The following AMIGO1 variants were observed in gnomAD, a reference collection of about 807,000 sequenced individuals.
AMIGO1 encodes the protein amphoterin-induced protein 1.
For missense variants in AMIGO1, 361 were observed against 612.3 expected, an observed-to-expected ratio of 0.59 and a Z score of 4.33; for synonymous variants, 249 against 266.3, an observed-to-expected ratio of 0.93 and a Z score of 0.63.
At position 109,507,896 on chromosome 1, in the gene AMIGO1, A is replaced by G. The variant is rs1168291659; in HGVS notation, c.1017T>C (p.Tyr339=). The change falls in exon 2 of 2, where the codon TAT becomes TAC. Residue 339 remains tyrosine, a synonymous_variant. Transcript: ENST00000369864. The surrounding 1 kb of genome is among the most constrained non-coding windows in gnomAD (Gnocchi z 4.7). ...AAGTCTCTCCCATGGCATAGCAGGT[A>G]TACACACCACCGTCCTCGACCTGCA... ...QQVQVEDGGV[Y]TCYAMGETFN... is the part of the protein sequence containing the mutation. 18 of 1,614,016 alleles carry G rather than the reference A, an allele frequency of 1.1e-5. No individual in the cohort carries two copies. In the Admixed American group the frequency reaches 3.0e-4, roughly 27 times the overall value.
chr1:109,506,687 A>T lies in AMIGO1; in HGVS notation c.*744T>A, dbSNP rs1392848307. Reference sequence around the variant, plus strand: ...TTCGTGCTGGCACCTATGCTGTGACATGGACCCTTCAGTTCATGCTATAAC... The same window carrying T: ...TTCGTGCTGGCACCTATGCTGTGACTTGGACCCTTCAGTTCATGCTATAAC... On this transcript the variant is annotated 3_prime_UTR_variant, in exon 2 of 2. Coordinates refer to ENST00000369864, the MANE Select transcript of AMIGO1 (RefSeq NM_020703.4). 6.6e-6 allele frequency: 1 copy of T among 152,256 alleles called. No individual in the cohort carries two copies. The highest frequency in any genetic ancestry group is 1.5e-5 in the Non-Finnish European group (1 of 68,068). 9.4% of individuals were successfully genotyped at this position (152,256 alleles called of 1,614,324 possible).
rs1369762081 is a variant in AMIGO1, at chr1:109,509,540, G to C, written c.-208C>G. The C allele has an allele frequency of 1.3e-5, 2 of 152,010 alleles. No individual in the cohort carries two copies. Among genetic ancestry groups the C allele is most frequent in the African/African-American group, 4.8e-5 (2 of 41,422 alleles). 9.4% of individuals were successfully genotyped at this position (152,010 alleles called of 1,614,324 possible). A position where few individuals can be genotyped will look rare whatever the true frequency, so the allele number is the denominator to read the frequency against. On this transcript the variant is annotated 5_prime_UTR_variant, in exon 1 of 2. Coordinates refer to ENST00000369864, the MANE Select transcript of AMIGO1 (RefSeq NM_020703.4). ...CCACCTTACGCAGGGGCCCGCGCCC[G>C]GCACCGTCGCCTCCCGGGGACTTGC...
At position 109,508,461 on chromosome 1, in the gene AMIGO1, C is replaced by A. The variant is rs774455626; in HGVS notation, c.452G>T (p.Arg151Leu). 2 of 1,614,076 alleles carry A rather than the reference C, an allele frequency of 1.2e-6. No homozygotes were observed. The highest frequency in any genetic ancestry group is 2.2e-5 in the East Asian group (1 of 44,882). ...CTGGGCCATGTCATCGAAGGCGCACCGGTCCACCGCCATGATGTGGTTATT... is the reference window on the plus strand; with the variant it reads ...CTGGGCCATGTCATCGAAGGCGCACAGGTCCACCGCCATGATGTGGTTATT... ...LYNNHIMAVD[R>L]CAFDDMAQLQ... The change falls in exon 2 of 2, where the codon CGG becomes CTG. Residue 151 changes from arginine (R) to leucine (L), a missense_variant. Coordinates refer to ENST00000369864, the MANE Select transcript of AMIGO1 (RefSeq NM_020703.4). The surrounding 1 kb of genome is among the most constrained non-coding windows in gnomAD (Gnocchi z 7.8).
In AMIGO1 at chr1:109,508,923, G is replaced by A; in HGVS notation, c.-11C>T. The A allele has an allele frequency of 6.5e-7, 1 of 1,527,578 alleles. No homozygotes were observed. The allele number at this position is 1,527,578 out of a possible 1,614,324, so 94.6% of individuals were successfully genotyped here. ...ACGGTGGGGGTGCATAGTGTCACTGGAGTGGGCGAGGAAGGCCACAAGGAA... is the reference window on the plus strand; with the variant it reads ...ACGGTGGGGGTGCATAGTGTCACTGAAGTGGGCGAGGAAGGCCACAAGGAA... On this transcript the variant is annotated 5_prime_UTR_variant, in exon 2 of 2. Coordinates refer to ENST00000369864, the MANE Select transcript of AMIGO1 (RefSeq NM_020703.4). This position sits in a 1 kb window ranked among gnomAD's most constrained non-coding sequence, Gnocchi z 7.8.
chr1:109,508,929 G>A lies in AMIGO1; in HGVS notation c.-17C>T. 1 of 1,514,424 alleles carries A rather than the reference G, an allele frequency of 6.6e-7. No individual in the cohort carries two copies. The highest frequency in any genetic ancestry group is 8.8e-7 in the Non-Finnish European group (1 of 1,130,526). The allele number at this position is 1,514,424 out of a possible 1,614,324, so 93.8% of individuals were successfully genotyped here. A position where few individuals can be genotyped will look rare whatever the true frequency, so the allele number is the denominator to read the frequency against. On this transcript the variant is annotated 5_prime_UTR_variant, in exon 2 of 2. Transcript: ENST00000369864. The surrounding 1 kb of genome is among the most constrained non-coding windows in gnomAD (Gnocchi z 7.8). ...GGGGTGCATAGTGTCACTGGAGTGG[G>A]CGAGGAAGGCCACAAGGAAGATCTG...
Position 109,508,661 on chromosome 1 carries a change from G to A in AMIGO1, c.252C>T (p.Arg84=). Residue 84 remains arginine, a synonymous_variant, in exon 2 of 2, where the codon CGC becomes CGT. Coordinates refer to ENST00000369864, the MANE Select transcript of AMIGO1 (RefSeq NM_020703.4). The surrounding 1 kb of genome is among the most constrained non-coding windows in gnomAD (Gnocchi z 7.8). ...SRLRAEWTPT[R]LTQLHSLLLS... Reference sequence around the variant, plus strand: ...GCAGCAGGGAGTGCAGTTGGGTCAGGCGCGTGGGGGTCCACTCGGCCCGCA... The same window carrying A: ...GCAGCAGGGAGTGCAGTTGGGTCAGACGCGTGGGGGTCCACTCGGCCCGCA... The A allele has an allele frequency of 1.2e-6, 2 of 1,614,182 alleles. No homozygotes were observed. Among genetic ancestry groups the A allele is most frequent in the Non-Finnish European group, 1.7e-6 (2 of 1,180,036 alleles).
rs1439158018 is a variant in AMIGO1, at chr1:109,507,714, C to A, written c.1199G>T (p.Cys400Phe). Residue 400 changes from cysteine to phenylalanine, a missense_variant, in exon 2 of 2, where the codon TGC becomes TTC. Coordinates refer to ENST00000369864, the MANE Select transcript of AMIGO1 (RefSeq NM_020703.4). This position sits in a 1 kb window ranked among gnomAD's most constrained non-coding sequence, Gnocchi z 4.7. ...YLYLTPCRCW[C>F]RGVEKPSSHQ... ...GCTGGAAGGCTTCTCTACACCCCGG[C>A]ACCAGCAGCGGCAAGGGGTGAGGTA... 1 of 1,614,126 alleles carries A rather than the reference C, an allele frequency of 6.2e-7. No individual in the cohort carries two copies. Among genetic ancestry groups the A allele is most frequent in the Non-Finnish European group, 8.5e-7 (1 of 1,180,024 alleles).
Position 109,506,403 on chromosome 1 carries a change from A to C in AMIGO1, c.*1028T>G, listed in dbSNP as rs1658024242. On this transcript the variant is annotated 3_prime_UTR_variant, in exon 2 of 2. Transcript: ENST00000369864. ...TTCAGAATCCCACCTGAGCTTGATA[A>C]GGAGACTGGATGAAGAGATGGCATA... 6.6e-6 allele frequency: 1 copy of C among 152,258 alleles called. No homozygotes were observed. The highest frequency in any genetic ancestry group is 1.5e-5 in the Non-Finnish European group (1 of 68,060). 9.4% of individuals were successfully genotyped at this position (152,258 alleles called of 1,614,324 possible).
rs577307964 is a variant in AMIGO1 at position 109,507,293 on chromosome 1, G to C, written c.*138C>G. ...CGCCCTGTTTGGGGTCTTGCTCTCT[G>C]TTGTACCTGGGACCAATTCCCTTGA... On this transcript the variant is annotated 3_prime_UTR_variant, in exon 2 of 2. Transcript: ENST00000369864. This position sits in a 1 kb window ranked among gnomAD's most constrained non-coding sequence, Gnocchi z 4.7. 1.6e-6 allele frequency: 2 copies of C among 1,259,896 alleles called. No homozygotes were observed. The highest frequency in any genetic ancestry group is 1.1e-6 in the Non-Finnish European group (1 of 915,232). 78.0% of individuals were successfully genotyped at this position (1,259,896 alleles called of 1,614,324 possible).
Position 109,507,427 on chromosome 1 carries a change from C to A in AMIGO1, c.*4G>T. On this transcript the variant is annotated 3_prime_UTR_variant, in exon 2 of 2. Coordinates refer to ENST00000369864, the MANE Select transcript of AMIGO1 (RefSeq NM_020703.4). This position sits in a 1 kb window ranked among gnomAD's most constrained non-coding sequence, Gnocchi z 4.7. ...GGCAGAATCTCCCCACCAACCCATC[C>A]TGCTCACACCACAATGGGCGTATCA... is the stretch of plus-strand genomic sequence containing the variant. 6.3e-7 allele frequency: 1 copy of A among 1,590,302 alleles called. No individual in the cohort carries two copies. The highest frequency in any genetic ancestry group is 8.6e-7 in the Non-Finnish European group (1 of 1,165,884).
chr1:109,508,277 G>A lies in AMIGO1; in HGVS notation c.636C>T (p.Ile212=). ...TGTTATGTAGGTACAGCCCATTCTTGATCCAGGCCGGCAGCTTCTGCAGGT... is the reference window on the plus strand; with the variant it reads ...TGTTATGTAGGTACAGCCCATTCTTAATCCAGGCCGGCAGCTTCTGCAGGT... The part of the protein sequence containing the change: ...LPDLQKLPAW[I]KNGLYLHNNP... The change falls in exon 2 of 2, where the codon ATC becomes ATT. Residue 212 remains isoleucine (I), a synonymous_variant. Transcript: ENST00000369864. This position sits in a 1 kb window ranked among gnomAD's most constrained non-coding sequence, Gnocchi z 7.8. The A allele has an allele frequency of 6.2e-7, 1 of 1,614,072 alleles. No individual in the cohort carries two copies. The highest frequency in any genetic ancestry group is 8.5e-7 in the Non-Finnish European group (1 of 1,180,020).
In AMIGO1 at chr1:109,508,982, T is replaced by A; in HGVS notation, c.-70A>T. 6.9e-7 allele frequency: 1 copy of A among 1,450,298 alleles called. No individual in the cohort carries two copies. The highest frequency in any genetic ancestry group is 1.4e-5 in the South Asian group (1 of 69,100). 89.8% of individuals were successfully genotyped at this position (1,450,298 alleles called of 1,614,324 possible). A position where few individuals can be genotyped will look rare whatever the true frequency, so the allele number is the denominator to read the frequency against. ...AGGAGGTCACCCGGGCATGTTCTGG[T>A]GGGGTACGGAAGGGTCACTTGAGAG... On this transcript the variant is annotated 5_prime_UTR_variant, in exon 2 of 2. Transcript: ENST00000369864. The surrounding 1 kb of genome is among the most constrained non-coding windows in gnomAD (Gnocchi z 7.8).
At position 109,508,184 on chromosome 1, in the gene AMIGO1, G is replaced by A. The variant is rs780076187; in HGVS notation, c.729C>T (p.Ser243=). 4.0e-5 allele frequency: 64 copies of A among 1,613,896 alleles called. No individual in the cohort carries two copies. Among genetic ancestry groups the A allele is most frequent in the Non-Finnish European group, 5.3e-5 (62 of 1,180,044 alleles). ...ACAGATCCTCTTGAAAGTCCATCAC[G>A]GAGCTCAGCTGCCGATACTGCCAGT... ...FSHWQYRQLS[S]VMDFQEDLYC... The change falls in exon 2 of 2, where the codon TCC becomes TCT. Residue 243 remains serine (S), a synonymous_variant. Transcript: ENST00000369864. The surrounding 1 kb of genome is among the most constrained non-coding windows in gnomAD (Gnocchi z 7.8).
chr1:109,507,758 G>A lies in AMIGO1; in HGVS notation c.1155C>T (p.Val385=). 1 of 1,614,068 alleles carries A rather than the reference G, an allele frequency of 6.2e-7. No homozygotes were observed. The highest frequency in any genetic ancestry group is 8.5e-7 in the Non-Finnish European group (1 of 1,180,016). ...TTLVGCILSV[V]LVLIYLYLTP... ...TGAGGTATAGGTATATGAGGACCAG[G>A]ACCACACTAAGGATACAGCCCACTA... The change falls in exon 2 of 2, where the codon GTC becomes GTT. Residue 385 remains valine, a synonymous_variant. Transcript: ENST00000369864. This position sits in a 1 kb window ranked among gnomAD's most constrained non-coding sequence, Gnocchi z 4.7.
rs777513107 is a variant in AMIGO1 at position 109,507,976 on chromosome 1, C to A, written c.937G>T (p.Val313Leu). The change falls in exon 2 of 2, where the codon GTG becomes TTG. Residue 313 changes from valine to leucine, a missense_variant. Physicochemically the swap from Val to Leu is conservative, Grantham distance 32 (BLOSUM62 1). Transcript: ENST00000369864. This position sits in a 1 kb window ranked among gnomAD's most constrained non-coding sequence, Gnocchi z 4.7. ...GACACACTCACTGTGCCATTGGTCA[C>A]CTCATCTAGCACCCGTTCATTACTT... The part of the protein sequence containing the change: ...TPSNERVLDE[V>L]TNGTVSVSKD... 11 of 1,614,182 alleles carry A rather than the reference C, an allele frequency of 6.8e-6. No homozygotes were observed. The highest frequency in any genetic ancestry group is 9.3e-6 in the Non-Finnish European group (11 of 1,180,036).
In AMIGO1 at chr1:109,508,158, T is replaced by C; in HGVS notation, c.755A>G (p.Tyr252Cys). ...GTGCAGCTTCTTGGAGTTCATGCAG[T>C]ACAGATCCTCTTGAAAGTCCATCAC... ...SSVMDFQEDL[Y>C]CMNSKKLHNV... The change falls in exon 2 of 2, where the codon TAC becomes TGC. Residue 252 changes from tyrosine to cysteine, a missense_variant. Physicochemically the swap from Tyr to Cys is radical, Grantham distance 194 (BLOSUM62 -2). Transcript: ENST00000369864. This position sits in a 1 kb window ranked among gnomAD's most constrained non-coding sequence, Gnocchi z 7.8. 1 of 1,614,112 alleles carries C rather than the reference T, an allele frequency of 6.2e-7. No homozygotes were observed. The highest frequency in any genetic ancestry group is 8.5e-7 in the Non-Finnish European group (1 of 1,180,022).
chr1:109,507,090 T>C lies in AMIGO1; in HGVS notation c.*341A>G. On this transcript the variant is annotated 3_prime_UTR_variant, in exon 2 of 2. Transcript: ENST00000369864. This position sits in a 1 kb window ranked among gnomAD's most constrained non-coding sequence, Gnocchi z 4.7. ...TCTAAATGTTTTTCTCTTAAGGAGC[T>C]AGGGATGACCTCATGAAAGTTTAGG... 1 of 241,478 alleles carries C rather than the reference T, an allele frequency of 4.1e-6. No individual in the cohort carries two copies. 15.0% of individuals were successfully genotyped at this position (241,478 alleles called of 1,614,324 possible).
At position 109,507,969 on chromosome 1, in the gene AMIGO1, T is replaced by C. The variant is rs758664850; in HGVS notation, c.944A>G (p.Asn315Ser). Reference protein sequence around the residue: ...SNERVLDEVTNGTVSVSKDGS... With the variant: ...SNERVLDEVTSGTVSVSKDGS... Reference sequence around the variant, plus strand: ...ATCCTTAGACACACTCACTGTGCCATTGGTCACCTCATCTAGCACCCGTTC... The same window carrying C: ...ATCCTTAGACACACTCACTGTGCCACTGGTCACCTCATCTAGCACCCGTTC... The change falls in exon 2 of 2, where the codon AAT (asparagine) becomes AGT (serine). Residue 315 changes from asparagine (N) to serine (S), a missense_variant. Transcript: ENST00000369864. This position sits in a 1 kb window ranked among gnomAD's most constrained non-coding sequence, Gnocchi z 4.7. The C allele has an allele frequency of 2.5e-6, 4 of 1,614,182 alleles. No homozygotes were observed. The highest frequency in any genetic ancestry group is 1.1e-5 in the South Asian group (1 of 91,086).
At position 109,508,036 on chromosome 1, in the gene AMIGO1, T is replaced by G. The variant is rs1243726136; in HGVS notation, c.877A>C (p.Lys293Gln). ...CACACCTTGGTCATCCCTTGCTGCT[T>G]GGTGTCACACTTGATGATCAAGGTG... ...GDTLIIKCDT[K>Q]QQGMTKVWVT... The change falls in exon 2 of 2, where the codon AAG becomes CAG. Residue 293 changes from lysine to glutamine, a missense_variant. By Grantham distance (53) the Lys-to-Gln change is moderately conservative. Coordinates refer to ENST00000369864, the MANE Select transcript of AMIGO1 (RefSeq NM_020703.4). This position sits in a 1 kb window ranked among gnomAD's most constrained non-coding sequence, Gnocchi z 7.8. The G allele has an allele frequency of 6.2e-7, 1 of 1,614,058 alleles. No individual in the cohort carries two copies. The highest frequency in any genetic ancestry group is 8.5e-7 in the Non-Finnish European group (1 of 1,180,052).
Sources: gnomAD v4.1 joint callset for allele counts on GRCh38, gnomAD v4.1.1 for gene constraint, Gnocchi (gnomAD v3.1) non-coding constraint, MANE v1.5 for transcripts, NCBI Gene and HGNC (gene_info 2026-07-23, HGNC 2026-07-21) for gene names.